FAT3: variants seen among roughly 807,000 people sequenced by gnomAD.
FAT3 encodes protocadherin Fat 3.
Under a neutral mutation model 310.2 loss-of-function variants are expected in FAT3, and 95 were observed. That is an observed-to-expected ratio of 0.31 (90% confidence interval 0.26 to 0.36). The LOEUF (loss-of-function observed/expected upper bound fraction) is 0.36, where lower values mean the gene tolerates loss of function less well. Ranked by LOEUF, FAT3 falls within the 10% of genes least tolerant of loss-of-function variation. The probability of loss-of-function intolerance (pLI) is 1.00; values close to 1 mark genes in which losing one functional copy is unlikely to be tolerated. For missense variants in FAT3, 5,408 were observed against 5,715.6 expected (o/e 0.95, Z 1.74); for synonymous variants, 2,314 against 2,192.9 (o/e 1.06, Z -1.54).
At chr11:92,365,821 C>G (rs1188857259) in intron 2 of FAT3, among the ~76,000 whole-genome samples, 1 of 152,132 alleles carries the variant, frequency 6.6e-6, no homozygotes, top group Admixed American at 6.5e-5. Flanking sequence ...GAGCTTATCC[C>G]ATATTGGTGT....
At chr11:92,366,226 C>A (rs1949017838) in intron 2 of FAT3, among the ~76,000 whole-genome samples, 1 of 152,176 alleles carries the variant, frequency 6.6e-6, no homozygotes, top group Admixed American at 6.5e-5. Flanking sequence ...CAAGTCACTA[C>A]CTTTCGACTC....
rs941576627 is a variant in FAT3 at position 92,654,140 on chromosome 11, T to G, written c.3608-43244T>G. Among the ~76,000 whole-genome samples the G allele has an allele frequency of 5.3e-5, 8 of 152,312 alleles. No homozygotes were observed. The East Asian group carries it at 1.2e-3, about 22-fold the overall frequency. On this transcript the variant is annotated intron_variant, in intron 3 of 27. Coordinates refer to ENST00000525166, the MANE Select transcript of FAT3 (RefSeq NM_001367949.2). Reference sequence around the variant, plus strand: ...GCTATATTGTACCCCGCTGCAGCATTCAGGAGATAAACTGATGAGAAACTA... The same window carrying G: ...GCTATATTGTACCCCGCTGCAGCATGCAGGAGATAAACTGATGAGAAACTA...
intron 4 of FAT3, among the ~76,000 whole-genome samples, chr11:92,707,509 A>AG (rs1206027950): frequency 1.3e-5 from 2 of 152,094 alleles, no homozygotes; most frequent in Non-Finnish European, 2.9e-5. Flanking sequence ...ATTACCCTGA[A>AG]GGGTTGGTAT....
chr11:92,288,621 T>C (rs1429938469), intron 1 of FAT3, among the ~76,000 whole-genome samples: 1 of 152,188 alleles, frequency 6.6e-6, no homozygotes, highest in Non-Finnish European at 1.5e-5. Context: ...TTTTAACTGC[T>C]AATTCTTATC....
chr11:92,838,335 T>C (rs1437906858), intron 17 of FAT3, among the ~76,000 whole-genome samples: 1 of 152,156 alleles, frequency 6.6e-6, no homozygotes, highest in East Asian at 1.9e-4. Context: ...AAATTAATCT[T>C]CCATAAGCAA....
intron 1 of FAT3, among the ~76,000 whole-genome samples, chr11:92,287,904 T>C (rs544697444): frequency 3.2e-4 from 49 of 152,204 alleles, no homozygotes; most frequent in African/African-American, 1.2e-3. Context: ...TTTGTTAAAG[T>C]GGCCTAAGTT....
At chr11:92,275,895 C>A (rs1946254275) in intron 1 of FAT3, among the ~76,000 whole-genome samples, 1 of 151,726 alleles carries the variant, frequency 6.6e-6, no homozygotes, top group Non-Finnish European at 1.5e-5. Flanking sequence ...GGTATCTCAT[C>A]TTTAGAATGT....
chr11:92,617,922 T>G (rs1940890492), intron 3 of FAT3, among the ~76,000 whole-genome samples: 1 of 152,184 alleles, frequency 6.6e-6, no homozygotes, highest in Non-Finnish European at 1.5e-5. Flanking sequence ...GTTAGGCTAC[T>G]CGGGCATCAG....
chr11:92,366,891 C>T (rs1045788812), intron 2 of FAT3: 15 of 533,460 alleles, frequency 2.8e-5, no homozygotes. Context: ...GGTGGTGGGA[C>T]ATCACAGGTG....
At chr11:92,578,330 G>A (rs1938599568) in intron 3 of FAT3, among the ~76,000 whole-genome samples, 1 of 152,030 alleles carries the variant, frequency 6.6e-6, no homozygotes, top group African/African-American at 2.4e-5. Flanking sequence ...GGGTCTTGAG[G>A]GTGGTTTGCT....
intron 2 of FAT3, among the ~76,000 whole-genome samples, chr11:92,431,611 C>A (rs1156484666): frequency 2.0e-5 from 3 of 151,160 alleles, no homozygotes; most frequent in Admixed American, 1.3e-4. Context: ...AATGGTATTG[C>A]CTAGGTTTTC....
chr11:92,447,222 C>CGTGTGTGTGT (rs34833885), intron 2 of FAT3, among the ~76,000 whole-genome samples: 80 of 146,398 alleles, frequency 5.5e-4, no homozygotes, highest in African/African-American at 1.8e-3. Context: ...TATATGTGTG[C>CGTGTGTGTGT]GTGTGTGTGT....
At chr11:92,269,185 A>G (rs16917290) in intron 1 of FAT3, among the ~76,000 whole-genome samples, 18,717 of 149,846 alleles carry the variant, frequency 0.12, 1,275 homozygotes, top group East Asian at 0.3. Flanking sequence ...ACATTTCCTC[A>G]TAGTTATGAT....
intron 3 of FAT3, among the ~76,000 whole-genome samples, chr11:92,679,267 AT>A (rs901287779): frequency 1.3e-3 from 199 of 148,952 alleles, no homozygotes; most frequent in South Asian, 9.6e-3. Flanking sequence ...GAGTACAAGT[AT>A]TTTTTTTTTG....
chr11:92,882,587 C>CCCG lies in FAT3; in HGVS notation c.12282-149_12282-148insGCC, dbSNP rs1555169681. The CCCG allele has an allele frequency of 1.4e-5, 7 of 500,464 alleles. No individual in the cohort carries two copies. In the South Asian group the frequency reaches 2.2e-4, roughly 16 times the overall value. 31.0% of individuals were successfully genotyped at this position (500,464 alleles called of 1,614,324 possible). ...GAAATGCCTAAATTAACTCCCCCTC[C>CCCG]CCCCCCCCACCAACCATCTTTGTCC... On this transcript the variant is annotated intron_variant, in intron 23 of 27. Coordinates refer to ENST00000525166, the MANE Select transcript of FAT3 (RefSeq NM_001367949.2).
intron 3 of FAT3, among the ~76,000 whole-genome samples, chr11:92,534,992 T>C (rs1423660899): frequency 6.6e-6 from 1 of 152,194 alleles, no homozygotes; most frequent in Admixed American, 6.5e-5. Context: ...GCAAGGCCTC[T>C]TTGTGTAGAT....
chr11:92,530,778 A>G (rs1256196311), intron 3 of FAT3, among the ~76,000 whole-genome samples: 1 of 152,134 alleles, frequency 6.6e-6, no homozygotes, highest in Non-Finnish European at 1.5e-5. Context: ...ATAATTTGTT[A>G]TCTTAGGTAA....
intron 3 of FAT3, among the ~76,000 whole-genome samples, chr11:92,648,418 C>A (rs1270009670): frequency 6.6e-6 from 1 of 152,172 alleles, no homozygotes; most frequent in Non-Finnish European, 1.5e-5. Flanking sequence ...CCAATTCCTC[C>A]TGCTTCTGGA....
In FAT3 at chr11:92,412,754, T is replaced by C. The variant is rs12420478; in HGVS notation, c.3292+57350T>C. ...ATATATATATATATATAAATATACATACATATATATATATTTAATGTAAGA... is the reference window on the plus strand; with the variant it reads ...ATATATATATATATATAAATATACACACATATATATATATTTAATGTAAGA... On this transcript the variant is annotated intron_variant, in intron 2 of 27. Coordinates refer to ENST00000525166, the MANE Select transcript of FAT3 (RefSeq NM_001367949.2). Among the ~76,000 whole-genome samples the C allele has an allele frequency of 4.8e-3, 456 of 94,644 alleles. 53 individuals are homozygous for C. Among genetic ancestry groups the C allele is most frequent in the African/African-American group, 0.016 (396 of 24,996 alleles). The allele number at this position is 94,644 out of a possible 152,430, so 62.1% of individuals were successfully genotyped here.
Sources: allele counts gnomAD v4.1 joint callset (sites outside exome capture counted in the v4.1 genomes callset), GRCh38; gene constraint gnomAD v4.1.1; transcripts MANE v1.5; gene names NCBI Gene and HGNC (gene_info 2026-07-23, HGNC 2026-07-21).